Variants in MARCHF11 observed in about 807,000 individuals in gnomAD.
MARCHF11 encodes the protein E3 ubiquitin-protein ligase MARCHF11.
MARCHF11 carries 29 observed loss-of-function variants against 37.3 expected under a neutral mutation model. The ratio of observed to expected loss-of-function variants is 0.78; its 90% CI spans 0.58 to 1.06. The LOEUF (loss-of-function observed/expected upper bound fraction) is 1.06, where lower values mean the gene tolerates loss of function less well. MARCHF11 is among the 50% of genes least tolerant of loss of function. MARCHF11 has a pLI of 0.00. For missense variants in MARCHF11, 482 were observed against 533.4 expected, an observed-to-expected ratio of 0.90 and a Z score of 0.95; for synonymous variants, 233 against 228.0, an observed-to-expected ratio of 1.02 and a Z score of -0.20.
chr5:16,177,554 T>C (rs1738382530), intron 2 of MARCHF11, among the ~76,000 whole-genome samples, 172 bp downstream of exon 2: 1 of 152,228 alleles, frequency 6.6e-6, no homozygotes, highest in Non-Finnish European at 1.5e-5. Flanking sequence ...TCAGATAAAA[T>C]GTCATGGCTT....
chr5:16,112,364 T>C (rs1399254696), intron 2 of MARCHF11, among the ~76,000 whole-genome samples: 2 of 152,196 alleles, frequency 1.3e-5, no homozygotes, highest in African/African-American at 4.8e-5. Context: ...ACCTCTTGCA[T>C]CAGCGTGACC....
At chr5:16,098,097 T>C (rs1366385371) in intron 2 of MARCHF11, among the ~76,000 whole-genome samples, 1 of 152,188 alleles carries the variant, frequency 6.6e-6, no homozygotes, top group Non-Finnish European at 1.5e-5. Context: ...TCAGTAGATG[T>C]GGTAAAATCA....
intron 2 of MARCHF11, among the ~76,000 whole-genome samples, chr5:16,170,781 T>C (rs572644960): frequency 2.0e-5 from 3 of 152,130 alleles, no homozygotes; most frequent in Non-Finnish European, 4.4e-5. Flanking sequence ...TCCCTCAGAA[T>C]ACAAGCCCAG....
rs16868090 is a variant in MARCHF11 at position 16,088,462 on chromosome 5, A to T, written c.886+2427T>A. Among the ~76,000 whole-genome samples, 1,347 of 152,288 alleles carry T rather than the reference A, an allele frequency of 8.8e-3. 16 individuals carry two copies. The highest frequency in any genetic ancestry group is 0.031 in the African/African-American group (1,273 of 41,550). ...TTGTAAACCTACTTTTCACACTAACACTGCCTCTAAATCTTCCAGTCGGGA... is the reference window on the plus strand; with the variant it reads ...TTGTAAACCTACTTTTCACACTAACTCTGCCTCTAAATCTTCCAGTCGGGA... On this transcript the variant is annotated intron_variant, in intron 3 of 3. Transcript: ENST00000332432.
chr5:16,145,871 A>T (rs1468745266), intron 2 of MARCHF11, among the ~76,000 whole-genome samples: 3 of 152,198 alleles, frequency 2.0e-5, no homozygotes, highest in Non-Finnish European at 4.4e-5. Flanking sequence ...GGTAAGATTT[A>T]TCTACTTTTG....
intron 2 of MARCHF11, among the ~76,000 whole-genome samples, chr5:16,171,590 G>C (rs1738265799): frequency 6.6e-6 from 1 of 152,140 alleles, no homozygotes; most frequent in Admixed American, 6.5e-5. Context: ...TATAAGTAAA[G>C]TTTTACTGGA....
At chr5:16,175,413 A>G (rs1258395948) in intron 2 of MARCHF11, among the ~76,000 whole-genome samples, 1 of 152,202 alleles carries the variant, frequency 6.6e-6, no homozygotes, top group African/African-American at 2.4e-5. Context: ...GAAGGTGGCT[A>G]GGATGGGATT....
intron 2 of MARCHF11, among the ~76,000 whole-genome samples, chr5:16,103,440 G>C (rs1416608626): frequency 6.6e-6 from 1 of 152,164 alleles, no homozygotes; most frequent in Non-Finnish European, 1.5e-5. Flanking sequence ...ATTAACTATG[G>C]AGTTTCAATT....
At chr5:16,125,171 C>T (rs1737381206) in intron 2 of MARCHF11, among the ~76,000 whole-genome samples, 1 of 151,274 alleles carries the variant, frequency 6.6e-6, no homozygotes, top group Non-Finnish European at 1.5e-5. Flanking sequence ...AATAGCCCCC[C>T]GATAACTGTG....
At chr5:16,177,119 T>C (rs1738377251) in intron 2 of MARCHF11, among the ~76,000 whole-genome samples, 1 of 152,202 alleles carries the variant, frequency 6.6e-6, no homozygotes, top group African/African-American at 2.4e-5. Flanking sequence ...GAATACTAGT[T>C]CAGTAGTATT....
At chr5:16,132,285 T>C (rs1245181673) in intron 2 of MARCHF11, among the ~76,000 whole-genome samples, 1 of 152,238 alleles carries the variant, frequency 6.6e-6, no homozygotes, top group African/African-American at 2.4e-5. Context: ...AGTGGCCAGC[T>C]GGCTATGTTC....
intron 2 of MARCHF11, among the ~76,000 whole-genome samples, chr5:16,131,704 CA>C (rs1737517780): frequency 6.6e-6 from 1 of 152,164 alleles, no homozygotes; most frequent in African/African-American, 2.4e-5. Context: ...GGTGGTCTCC[CA>C]GATCCATTTC....
intron 2 of MARCHF11, among the ~76,000 whole-genome samples, chr5:16,143,389 G>A (rs1737749906): frequency 6.6e-6 from 1 of 152,174 alleles, no homozygotes; most frequent in Non-Finnish European, 1.5e-5. Context: ...TGGCCCGTTG[G>A]GCCAAGGCAA....
intron 3 of MARCHF11, among the ~76,000 whole-genome samples, chr5:16,070,552 C>G (rs912983488): frequency 6.6e-6 from 1 of 152,142 alleles, no homozygotes. Flanking sequence ...TTTGCAAGAT[C>G]CTATTCTTTT....
At chr5:16,159,486 T>C (rs574558115) in intron 2 of MARCHF11, among the ~76,000 whole-genome samples, 4 of 152,134 alleles carry the variant, frequency 2.6e-5, no homozygotes, top group Admixed American at 6.6e-5. Flanking sequence ...ATATTCTCTG[T>C]GCATCAAACC....
chr5:16,153,564 A>C (rs1737922437), intron 2 of MARCHF11, among the ~76,000 whole-genome samples: 1 of 152,028 alleles, frequency 6.6e-6, no homozygotes, highest in African/African-American at 2.4e-5. Flanking sequence ...AACAAAGATC[A>C]CATGCAGTTA....
At chr5:16,166,451 G>A (rs1738169724) in intron 2 of MARCHF11, among the ~76,000 whole-genome samples, 1 of 31,288 alleles carries the variant, frequency 3.2e-5, no homozygotes, top group Non-Finnish European at 7.4e-5. Context: ...AATGGATCAT[G>A]TGATACTTGA....
chr5:16,153,160 A>T (rs1382685443), intron 2 of MARCHF11, among the ~76,000 whole-genome samples: 1 of 152,008 alleles, frequency 6.6e-6, no homozygotes, highest in African/African-American at 2.4e-5. Context: ...GATTACAGAC[A>T]GGTAATGTGA....
rs1491076382 is a variant in MARCHF11 at position 16,114,016 on chromosome 5, C to CTTTT, written c.694-22936_694-22935insAAAA. 3.5e-3 allele frequency among the ~76,000 whole-genome samples: 528 copies of CTTTT among 152,266 alleles called. 1 individual carries two copies. Among genetic ancestry groups the CTTTT allele is most frequent in the African/African-American group, 0.012 (509 of 41,552 alleles). The stretch of plus-strand genomic sequence containing the variant: ...CCTCTATGAGATCAACTTTTTCTAG[C>CTTTT]TCCCCCATATGATTGCGAAAATGTG... On this transcript the variant is annotated intron_variant, in intron 2 of 3. Transcript: ENST00000332432.
Sources: gnomAD v4.1 joint callset for allele counts (sites outside exome capture counted in the v4.1 genomes callset) on GRCh38, gnomAD v4.1.1 for gene constraint, MANE v1.5 for transcripts, NCBI Gene and HGNC (gene_info 2026-07-23, HGNC 2026-07-21) for gene names.